The following PREX1 variants were observed in gnomAD, a reference collection of about 807,000 sequenced individuals.
The protein encoded by PREX1 is phosphatidylinositol 3,4,5-trisphosphate-dependent Rac exchanger 1 protein.
Under a neutral mutation model 198.3 loss-of-function variants are expected in PREX1, and 41 were observed. The ratio of observed to expected loss-of-function variants is 0.21; its 90% confidence interval spans 0.16 to 0.27. PREX1 has a LOEUF of 0.27. Ranked by LOEUF, PREX1 falls within the 10% of genes least tolerant of loss-of-function variation. The pLI is 1.00. For missense variants in PREX1, 1,620 were observed against 2,200.7 expected, an observed-to-expected ratio of 0.74 and a Z score of 5.28; for synonymous variants, 843 against 887.2, an observed-to-expected ratio of 0.95 and a Z score of 0.89.
intron 3 of PREX1, among the ~76,000 whole-genome samples, chr20:48,744,815 G>T (rs2090100326): frequency 6.6e-6 from 1 of 152,210 alleles, no homozygotes; most frequent in East Asian, 1.9e-4. Context: ...TGAGGGAAAG[G>T]AGAGTCACTA....
intron 13 of PREX1, among the ~76,000 whole-genome samples, chr20:48,676,587 A>C (rs1401178629): frequency 6.6e-6 from 1 of 152,034 alleles, no homozygotes; most frequent in Admixed American, 6.6e-5. Flanking sequence ...ATGTCTGGAG[A>C]CATTTTTGGC....
rs1054932076 is a variant in PREX1 at position 48,676,170 on chromosome 20, C to T, written c.1665+23G>A. 17 of 1,607,514 alleles carry T rather than the reference C, an allele frequency of 1.1e-5. No individual in the cohort carries two copies. The African/African-American group carries it at 2.3e-4, about 22-fold the overall frequency. ...GACGGACAAAGCAGAACACTGGTCA[C>T]ACACCCCTGAGGAGGCCCTCACCTG... On this transcript the variant is annotated intron_variant, in intron 14 of 39. Coordinates refer to ENST00000371941, the MANE Select transcript of PREX1 (RefSeq NM_020820.4).
chr20:48,796,736 A>G (rs938197961), intron 1 of PREX1, among the ~76,000 whole-genome samples: 4 of 150,432 alleles, frequency 2.7e-5, no homozygotes, highest in Non-Finnish European at 4.4e-5. Context: ...ATAGTTTTAT[A>G]TATGTATATG....
intron 4 of PREX1, among the ~76,000 whole-genome samples, chr20:48,728,888 C>T (rs2090021148): frequency 6.6e-6 from 1 of 152,156 alleles, no homozygotes; most frequent in Admixed American, 6.5e-5. Flanking sequence ...ACTATTCTCA[C>T]TACATTTCAG....
intron 1 of PREX1, among the ~76,000 whole-genome samples, chr20:48,776,465 C>G (rs1471784879): frequency 6.6e-6 from 1 of 152,216 alleles, no homozygotes; most frequent in Non-Finnish European, 1.5e-5. Flanking sequence ...TCCTTGGCAA[C>G]CAGCCGCTGG....
chr20:48,708,146 G>T, intron 6 of PREX1, 114 bp downstream of exon 6: 1 of 1,179,006 alleles, frequency 8.5e-7, no homozygotes, highest in Non-Finnish European at 1.2e-6. Context: ...AAACACTGTA[G>T]GCCAAACAAA....
At chr20:48,868,582 G>T in the PREX1 span, among the ~76,000 whole-genome samples, 3 of 152,100 alleles carry the variant, frequency 2.0e-5, no homozygotes, top group Non-Finnish European at 4.4e-5. Context: ...AACTGCCTCA[G>T]CCTCCCAAAG....
chr20:48,699,404 A>G (rs1369263905), intron 7 of PREX1, among the ~76,000 whole-genome samples: 4 of 152,140 alleles, frequency 2.6e-5, no homozygotes, highest in Admixed American at 2.6e-4. Flanking sequence ...ATACCTGCTG[A>G]ACATGAAAAC....
intron 1 of PREX1, among the ~76,000 whole-genome samples, chr20:48,773,259 T>C (rs1339214235): frequency 8.0e-6 from 1 of 124,710 alleles, no homozygotes; most frequent in East Asian, 2.2e-4. Flanking sequence ...AGAGTGAGAC[T>C]TGGTCTCAAA....
At chr20:48,637,888 TGTGCTCAAGGA>T in intron 30 of PREX1, 136 bp from the exon 31 acceptor site, 1 of 705,724 alleles carries the variant, frequency 1.4e-6, no homozygotes, top group Non-Finnish European at 2.3e-6. Flanking sequence ...CACCCAAGGC[TGTGCTCAAGGA>T]GGTTTTATTG....
rs750717878 is a variant in PREX1 at position 48,639,213 on chromosome 20, T to A, written c.3904+553A>T. ...CCCACGTACACAGAGCGGCCGCCAC[T>A]CCTCTCCACCAAGGGAGGATGGGAG... On this transcript the variant is annotated intron_variant, in intron 30 of 39. Transcript: ENST00000371941. Among the ~76,000 whole-genome samples the A allele has an allele frequency of 3.6e-4, 55 of 152,290 alleles. 1 individual carries two copies. Among genetic ancestry groups the A allele is most frequent in the Middle Eastern group, 3.4e-3 (1 of 294 alleles).
intron 32 of PREX1, among the ~76,000 whole-genome samples, chr20:48,635,175 C>G (rs1430199377): frequency 2.0e-5 from 3 of 152,162 alleles, no homozygotes; most frequent in Admixed American, 6.5e-5. Context: ...AAGATCCAAA[C>G]CTTTGACTTC....
chr20:48,778,812 C>A (rs905575682), intron 1 of PREX1, among the ~76,000 whole-genome samples: 1 of 152,138 alleles, frequency 6.6e-6, no homozygotes. Flanking sequence ...CAACCACACA[C>A]GATATGCAAA....
At chr20:48,869,468 G>A in the PREX1 span, among the ~76,000 whole-genome samples, 236 of 151,838 alleles carry the variant, frequency 1.6e-3, no homozygotes, top group African/African-American at 5.5e-3. Flanking sequence ...CTGGTTGGAT[G>A]ACCCATATTT....
At chr20:48,811,901 C>A (rs993866440) in intron 1 of PREX1, among the ~76,000 whole-genome samples, 1 of 152,234 alleles carries the variant, frequency 6.6e-6, no homozygotes, top group East Asian at 1.9e-4. Context: ...CAGACTATCA[C>A]GGAATAGGAG....
intron 1 of PREX1, among the ~76,000 whole-genome samples, chr20:48,799,076 G>T (rs796708825): frequency 2.0e-5 from 3 of 152,072 alleles, no homozygotes; most frequent in African/African-American, 7.2e-5. Context: ...TAGAGACGGG[G>T]TTTCACCACG....
chr20:48,705,777 T>C (rs371534987), intron 6 of PREX1, among the ~76,000 whole-genome samples: 25 of 152,332 alleles, frequency 1.6e-4, no homozygotes, highest in African/African-American at 5.8e-4. Context: ...TCAAAGGACA[T>C]TCATATTCCA....
At chr20:48,671,812 A>G (rs1006304642) in intron 14 of PREX1, among the ~76,000 whole-genome samples, 1 of 152,176 alleles carries the variant, frequency 6.6e-6, no homozygotes, top group Non-Finnish European at 1.5e-5. Flanking sequence ...CTTTCCAACC[A>G]TCTCCTGGAA....
intron 5 of PREX1, among the ~76,000 whole-genome samples, chr20:48,722,346 A>G (rs1234017413): frequency 6.6e-6 from 1 of 152,234 alleles, no homozygotes; most frequent in Non-Finnish European, 1.5e-5. Context: ...AAGTGAAGCC[A>G]GCCAGGCACG....
Sources: gnomAD v4.1 joint callset for allele counts (sites outside exome capture counted in the v4.1 genomes callset) on GRCh38, gnomAD v4.1.1 for gene constraint, MANE v1.5 for transcripts, NCBI Gene and HGNC (gene_info 2026-07-23, HGNC 2026-07-21) for gene names.